The following XCR1 variants were observed in gnomAD, a reference collection of about 807,000 sequenced individuals.
The protein encoded by XCR1 is X-C motif chemokine receptor 1.
For synonymous variants in XCR1, 187 were observed against 188.5 expected (o/e 0.99, Z 0.06); for missense variants, 356 against 424.2 (o/e 0.84, Z 1.41).
intron 5 of XCR1, among the ~76,000 whole-genome samples, chr3:46,044,946 A>C (rs768023205): frequency 6.6e-6 from 1 of 152,194 alleles, no homozygotes; most frequent in Non-Finnish European, 1.5e-5. Flanking sequence ...AATTTTCTAC[A>C]CTTTCTCCTA....
chr3:46,053,002 A>G (rs1206262656), intron 5 of XCR1, among the ~76,000 whole-genome samples: 1 of 152,222 alleles, frequency 6.6e-6, no homozygotes, highest in Non-Finnish European at 1.5e-5. Context: ...AATAAGGGCC[A>G]TTACCCAATA....
intron 3 of XCR1, among the ~76,000 whole-genome samples, chr3:46,071,027 T>C (rs2125902774): frequency 6.6e-6 from 1 of 152,150 alleles, no homozygotes; most frequent in East Asian, 1.9e-4. Context: ...CCTTTGAGCA[T>C]TTCTTGTACA....
At chr3:46,051,599 G>A (rs192274273) in intron 5 of XCR1, among the ~76,000 whole-genome samples, 150 of 152,310 alleles carry the variant, frequency 9.8e-4, no homozygotes, top group African/African-American at 3.0e-3. Context: ...TAGATTTCCC[G>A]CGTAGTTGTG....
intron 5 of XCR1, among the ~76,000 whole-genome samples, chr3:46,042,997 A>T (rs867427549): frequency 5.9e-5 from 9 of 151,576 alleles, no homozygotes; most frequent in African/African-American, 2.2e-4. Flanking sequence ...TTATCCCTGA[A>T]TGCAAGAGTG....
Position 46,064,816 on chromosome 3 carries a change from G to A in XCR1, c.-183+2083C>T, listed in dbSNP as rs1698031687. Among the ~76,000 whole-genome samples the A allele has an allele frequency of 1.3e-5, 2 of 152,202 alleles. 1 individual carries two copies. Among genetic ancestry groups the A allele is most frequent in the South Asian group, 4.1e-4 (2 of 4,826 alleles). ...CACTTGGAAGAGTTACCCAGGGCGG[G>A]TGCAGTGGCTCACGCCTGTAATCCC... On this transcript the variant is annotated intron_variant, in intron 4 of 5. Transcript: ENST00000683768.
In XCR1 at chr3:46,021,950, G is replaced by A; in HGVS notation, c.-3C>T. The A allele has an allele frequency of 1.2e-6, 2 of 1,604,872 alleles. No homozygotes were observed. The highest frequency in any genetic ancestry group is 1.3e-5 in the African/African-American group (1 of 74,594). Reference sequence around the variant, plus strand: ...TCTGGGTTGCCTGAGGACTCCATCTGGACCAGATGGCAGGGACGTTTAGAG... The same window carrying A: ...TCTGGGTTGCCTGAGGACTCCATCTAGACCAGATGGCAGGGACGTTTAGAG... On this transcript the variant is annotated 5_prime_UTR_variant, in exon 2 of 2. Coordinates refer to ENST00000309285, the MANE Select transcript of XCR1 (RefSeq NM_001024644.2). This position sits in a 1 kb window ranked among gnomAD's most constrained non-coding sequence, Gnocchi z 4.7.
At chr3:46,062,848 T>C (rs893366119) in intron 4 of XCR1, among the ~76,000 whole-genome samples, 1 of 152,222 alleles carries the variant, frequency 6.6e-6, no homozygotes, top group Non-Finnish European at 1.5e-5. Context: ...GGGGTGGCTC[T>C]AGTGGTGGAA....
At chr3:46,084,900 A>C (rs1698444468) in intron 1 of XCR1, among the ~76,000 whole-genome samples, 1 of 152,204 alleles carries the variant, frequency 6.6e-6, no homozygotes, top group South Asian at 2.1e-4. Context: ...AGCATCTTGC[A>C]ATATACCCAT....
In XCR1 at chr3:46,076,470, C is replaced by A. The variant is rs117908087; in HGVS notation, c.-328+270G>T. Among the ~76,000 whole-genome samples, 188 of 151,270 alleles carry A rather than the reference C, an allele frequency of 1.2e-3. 4 individuals carry two copies. In the East Asian group the frequency reaches 0.03, roughly 25 times the overall value. On this transcript the variant is annotated intron_variant, in intron 2 of 5. Coordinates refer to the XCR1 transcript ENST00000683768. Reference sequence around the variant, plus strand: ...ATATTTTGTGCCTCAGCTTCCTCAGCTGTAAAATGAGAAAGACACTCATCT... The same window carrying A: ...ATATTTTGTGCCTCAGCTTCCTCAGATGTAAAATGAGAAAGACACTCATCT...
intron 3 of XCR1, among the ~76,000 whole-genome samples, chr3:46,068,591 T>C (rs1698115076): frequency 6.6e-6 from 1 of 152,198 alleles, no homozygotes; most frequent in Admixed American, 6.5e-5. Context: ...ATATTGTCTC[T>C]GATATTTCCG....
In XCR1 at chr3:46,019,246, G is replaced by T. The variant is rs895219296; in HGVS notation, c.*1700C>A. Reference sequence around the variant, plus strand: ...TTATAGAGAAGCAGCCTGGGACAAAGAAGGTAAAGTGTGCCCCAGGGCATG... The same window carrying T: ...TTATAGAGAAGCAGCCTGGGACAAATAAGGTAAAGTGTGCCCCAGGGCATG... On this transcript the variant is annotated 3_prime_UTR_variant, in exon 2 of 2. Transcript: ENST00000309285. 1.3e-5 allele frequency: 2 copies of T among 152,236 alleles called. No homozygotes were observed. Among genetic ancestry groups the T allele is most frequent in the African/African-American group, 4.8e-5 (2 of 41,472 alleles). The allele number at this position is 152,236 out of a possible 1,614,324, so 9.4% of individuals were successfully genotyped here. A position where few individuals can be genotyped will look rare whatever the true frequency, so the allele number is the denominator to read the frequency against.
In XCR1 at chr3:46,074,214, C is replaced by CTTTTTTTTTT. The variant is rs35124592; in HGVS notation, c.-263+427_-263+436dup. ...CAACACGAATGGAACTGAAGGCCATCTTTTTTTTTTTTTTTTTTTTTTTTT... is the reference window on the plus strand; with the variant it reads ...CAACACGAATGGAACTGAAGGCCATCTTTTTTTTTTTTTTTTTTTTTTTTTTTTTTTTTTT... On this transcript the variant is annotated intron_variant, in intron 3 of 5. Coordinates refer to the XCR1 transcript ENST00000683768. 8.2e-4 allele frequency among the ~76,000 whole-genome samples: 71 copies of CTTTTTTTTTT among 86,660 alleles called. 6 individuals are homozygous for CTTTTTTTTTT. The highest frequency in any genetic ancestry group is 7.6e-3 in the Middle Eastern group (1 of 132). 56.9% of individuals were successfully genotyped at this position (86,660 alleles called of 152,430 possible). A position where few individuals can be genotyped will look rare whatever the true frequency, so the allele number is the denominator to read the frequency against.
At chr3:46,031,667 A>G (rs1708397649), upstream of XCR1, among the ~76,000 whole-genome samples, 1 of 152,206 alleles carries the variant, frequency 6.6e-6, no homozygotes, top group African/African-American at 2.4e-5. Context: ...GGAAGGCCTG[A>G]AGCCAGGTGG....
intron 3 of XCR1, among the ~76,000 whole-genome samples, chr3:46,072,199 A>C (rs1698174486): frequency 6.6e-6 from 1 of 152,160 alleles, no homozygotes; most frequent in East Asian, 1.9e-4. Context: ...CATTTACAAT[A>C]ACTAAAATTA....
intron 5 of XCR1, among the ~76,000 whole-genome samples, chr3:46,049,662 C>T (rs1247476627): frequency 4.6e-5 from 7 of 152,216 alleles, no homozygotes; most frequent in Non-Finnish European, 2.9e-5. Flanking sequence ...GAGCTGAAAC[C>T]CCAGAGGTCA....
chr3:46,075,888 A>G (rs1164622000), intron 2 of XCR1, among the ~76,000 whole-genome samples: 1 of 152,224 alleles, frequency 6.6e-6, no homozygotes, highest in African/African-American at 2.4e-5. Flanking sequence ...AACAGTAAAA[A>G]TAGTGGCAAT....
chr3:46,053,744 T>C (rs1439397181), intron 5 of XCR1, among the ~76,000 whole-genome samples: 2 of 152,098 alleles, frequency 1.3e-5, no homozygotes, highest in African/African-American at 4.8e-5. Flanking sequence ...CATAGCATCT[T>C]AGTTAATGTG....
chr3:46,045,319 G>C (rs889376780), intron 5 of XCR1, among the ~76,000 whole-genome samples: 8 of 151,794 alleles, frequency 5.3e-5, no homozygotes, highest in African/African-American at 1.9e-4. Context: ...CTGAGGCAGA[G>C]AATTGCTTGA....
chr3:46,062,405 C>G (rs1216803959), intron 4 of XCR1, among the ~76,000 whole-genome samples: 1 of 152,230 alleles, frequency 6.6e-6, no homozygotes, highest in Non-Finnish European at 1.5e-5. Context: ...CCCATTCTTG[C>G]CTGGAGCAGA....
Sources: allele counts gnomAD v4.1 joint callset (sites outside exome capture counted in the v4.1 genomes callset), GRCh38; gene constraint gnomAD v4.1.1; non-coding constraint Gnocchi (gnomAD v3.1); transcripts MANE v1.5; gene names NCBI Gene and HGNC (gene_info 2026-07-23, HGNC 2026-07-21).